Variants in SLC5A4 observed in about 807,000 individuals in gnomAD.
SLC5A4 encodes the protein solute carrier family 5 member 4, also known as probable glucose sensor protein SLC5A4.
SLC5A4 carries 55 observed loss-of-function variants against 70.3 expected under a neutral mutation model. The ratio of observed to expected loss-of-function variants is 0.78; its 90% CI spans 0.63 to 0.98. The LOEUF is 0.98. Ranked by LOEUF, SLC5A4 falls within the 50% of genes least tolerant of loss-of-function variation. The pLI, the probability that SLC5A4 is intolerant of heterozygous loss-of-function variation, is 0.00. For missense variants in SLC5A4, 735 were observed against 839.2 expected (o/e 0.88, Z 1.53); for synonymous variants, 268 against 305.7 (o/e 0.88, Z 1.29).
At chr22:32,222,604 C>G (rs1217755011) in intron 13 of SLC5A4, among the ~76,000 whole-genome samples, 2 of 152,040 alleles carry the variant, frequency 1.3e-5, no homozygotes, top group East Asian at 3.8e-4. Flanking sequence ...TATTTAAAAA[C>G]TATGATATGT....
the SLC5A4 span, among the ~76,000 whole-genome samples, chr22:32,267,942 G>T: frequency 6.6e-6 from 1 of 152,092 alleles, no homozygotes; most frequent in African/African-American, 2.4e-5. Flanking sequence ...GGCTAACACA[G>T]TGAAACTCCA....
chr22:32,331,462 C>T, the SLC5A4 span, among the ~76,000 whole-genome samples: 1 of 152,128 alleles, frequency 6.6e-6, no homozygotes, highest in East Asian at 1.9e-4. Flanking sequence ...AAAGATCCTG[C>T]TTGAGGACAA....
the SLC5A4 span, chr22:32,269,952 C>T: frequency 1.9e-6 from 1 of 531,988 alleles, no homozygotes. The surrounding 1 kb of genome is among the most constrained non-coding windows in gnomAD (Gnocchi z 4.1). Context: ...AGCCTGGGTA[C>T]CTGTTCCTGA....
the SLC5A4 span, among the ~76,000 whole-genome samples, chr22:32,318,417 C>A: frequency 6.6e-6 from 1 of 152,028 alleles, no homozygotes; most frequent in African/African-American, 2.4e-5. Flanking sequence ...AAAATCCCAA[C>A]CTTCCTCCCC....
the SLC5A4 span, among the ~76,000 whole-genome samples, chr22:32,354,451 C>T: frequency 2.0e-5 from 3 of 150,514 alleles, no homozygotes; most frequent in Non-Finnish European, 3.0e-5. Flanking sequence ...GCAATGATGC[C>T]CTGGATATAA....
the SLC5A4 span, among the ~76,000 whole-genome samples, chr22:32,287,081 G>A: frequency 1.3e-5 from 2 of 152,246 alleles, no homozygotes; most frequent in South Asian, 2.1e-4. Context: ...GGGGAGTTAC[G>A]GTACAGGGAA....
chr22:32,259,946 G>A (rs1192316721), upstream of SLC5A4, among the ~76,000 whole-genome samples: 1 of 152,206 alleles, frequency 6.6e-6, no homozygotes, highest in Non-Finnish European at 1.5e-5. Context: ...GTGGGTACAA[G>A]GCAGACAGGG....
chr22:32,348,877 T>C, the SLC5A4 span, among the ~76,000 whole-genome samples: 1 of 152,224 alleles, frequency 6.6e-6, no homozygotes, highest in Non-Finnish European at 1.5e-5. Context: ...CACAATTCTT[T>C]ACAAAGTTAA....
At chr22:32,342,012 C>G in the SLC5A4 span, among the ~76,000 whole-genome samples, 1 of 152,178 alleles carries the variant, frequency 6.6e-6, no homozygotes, top group Non-Finnish European at 1.5e-5. Context: ...CTTTGTCTCC[C>G]CAGGCAGACC....
chr22:32,287,744 C>T, the SLC5A4 span, among the ~76,000 whole-genome samples: 1 of 151,500 alleles, frequency 6.6e-6, no homozygotes, highest in African/African-American at 2.4e-5. Flanking sequence ...CCTCAGTCTC[C>T]CAAAGTTGTT....
chr22:32,270,788 A>T, the SLC5A4 span: 1 of 604,792 alleles, frequency 1.7e-6, no homozygotes, highest in South Asian at 1.6e-5. Context: ...ATGAGTGCCG[A>T]CGGCCGCGTC....
chr22:32,310,294 C>T, the SLC5A4 span, among the ~76,000 whole-genome samples: 7 of 152,128 alleles, frequency 4.6e-5, no homozygotes, highest in African/African-American at 7.2e-5. Flanking sequence ...CTTAAATACC[C>T]ATCTGACTCC....
intron 12 of SLC5A4, among the ~76,000 whole-genome samples, chr22:32,225,289 C>T (rs1243211837): frequency 6.6e-6 from 1 of 152,094 alleles, no homozygotes; most frequent in Non-Finnish European, 1.5e-5. Context: ...CACCACAATC[C>T]CATAGAATAG....
At chr22:32,291,504 A>C in the SLC5A4 span, among the ~76,000 whole-genome samples, 1 of 152,190 alleles carries the variant, frequency 6.6e-6, no homozygotes, top group East Asian at 1.9e-4. Context: ...ATTTGTGAGA[A>C]GTATGGCTGA....
chr22:32,328,579 G>A, the SLC5A4 span, among the ~76,000 whole-genome samples: 2 of 152,026 alleles, frequency 1.3e-5, no homozygotes, highest in East Asian at 3.9e-4. Flanking sequence ...CCACCTGAGT[G>A]AGCTGGGAAG....
chr22:32,302,924 A>G, the SLC5A4 span, among the ~76,000 whole-genome samples: 18,306 of 152,276 alleles, frequency 0.12, 1,493 homozygotes, highest in Non-Finnish European at 0.18. Context: ...GGGAGAATTG[A>G]CATCTTTGTT....
the SLC5A4 span, chr22:32,272,587 A>G: frequency 1.6e-6 from 1 of 623,334 alleles, no homozygotes; most frequent in Non-Finnish European, 2.9e-6. Flanking sequence ...ATGGTAGACA[A>G]CACCCAGCTG....
At chr22:32,341,690 T>C in the SLC5A4 span, among the ~76,000 whole-genome samples, 1 of 152,220 alleles carries the variant, frequency 6.6e-6, no homozygotes, top group African/African-American at 2.4e-5. Context: ...GTCCTATCCG[T>C]GGCCTAAATG....
chr22:32,335,018 G>A, the SLC5A4 span, among the ~76,000 whole-genome samples: 12 of 152,284 alleles, frequency 7.9e-5, no homozygotes, highest in South Asian at 1.0e-3. Context: ...GGGAGAGAGC[G>A]GGGCCAGCTC....
Sources: gnomAD v4.1 joint callset for allele counts (sites outside exome capture counted in the v4.1 genomes callset) on GRCh38, gnomAD v4.1.1 for gene constraint, Gnocchi (gnomAD v3.1) non-coding constraint, MANE v1.5 for transcripts, NCBI Gene and HGNC (gene_info 2026-07-23, HGNC 2026-07-21) for gene names.